The following NAV2 variants were observed in gnomAD, a reference collection of about 807,000 sequenced individuals.
NAV2 encodes neuron navigator 2.
NAV2 carries 54 observed loss-of-function variants against 223.2 expected under a neutral mutation model. The observed-to-expected ratio is 0.24, with a 90% CI of 0.19 to 0.30. NAV2 has a LOEUF of 0.30. Among genes scored for constraint, NAV2 ranks in the 10% least tolerant of loss-of-function variants. The pLI, the probability that NAV2 is intolerant of heterozygous loss-of-function variation, is 1.00. For missense variants in NAV2, 2,806 were observed against 3,147.5 expected, an observed-to-expected ratio of 0.89 and a Z score of 2.60; for synonymous variants, 1,279 against 1,239.3, an observed-to-expected ratio of 1.03 and a Z score of -0.67.
At chr11:19,589,166 T>C (rs1231809000) in intron 1 of NAV2, among the ~76,000 whole-genome samples, 1 of 152,184 alleles carries the variant, frequency 6.6e-6, no homozygotes. Context: ...TCTTGGATCC[T>C]AAGATGATAT....
chr11:19,522,535 G>C (rs1477809917), intron 1 of NAV2, among the ~76,000 whole-genome samples: 1 of 152,148 alleles, frequency 6.6e-6, no homozygotes, highest in Non-Finnish European at 1.5e-5. Flanking sequence ...TATCCAGAGT[G>C]CCCCTGGCCC....
At chr11:19,905,457 T>G (rs949867729) in intron 6 of NAV2, among the ~76,000 whole-genome samples, 1 of 152,224 alleles carries the variant, frequency 6.6e-6, no homozygotes, top group African/African-American at 2.4e-5. Flanking sequence ...TAGGGGGCAG[T>G]ATTCATTAAG....
intron 10 of NAV2, among the ~76,000 whole-genome samples, chr11:19,961,218 G>T (rs2048332259): frequency 6.6e-6 from 1 of 152,002 alleles, no homozygotes; most frequent in Admixed American, 6.6e-5. Context: ...CCAAAATGCT[G>T]GGATTATAGG....
intron 1 of NAV2, among the ~76,000 whole-genome samples, chr11:19,715,200 T>G (rs1400630506): frequency 6.6e-6 from 1 of 152,112 alleles, no homozygotes; most frequent in Non-Finnish European, 1.5e-5. Flanking sequence ...CAGATTAAGC[T>G]CCCACACCAG....
chr11:19,459,469 T>C (rs1173468680), intron 1 of NAV2, among the ~76,000 whole-genome samples: 1 of 152,220 alleles, frequency 6.6e-6, no homozygotes, highest in Non-Finnish European at 1.5e-5. Context: ...CCAATCACTG[T>C]GGCCTGGGGG....
rs541657793 is a variant in NAV2 at position 20,069,691 on chromosome 11, A to C, written c.4983+1293A>C. 3.3e-5 allele frequency among the ~76,000 whole-genome samples: 5 copies of C among 152,294 alleles called. No individual in the cohort carries two copies. The South Asian group carries it at 1.0e-3, about 32-fold the overall frequency. On this transcript the variant is annotated intron_variant, in intron 22 of 37. Coordinates refer to ENST00000349880, the MANE Select transcript of NAV2 (RefSeq NM_145117.5). ...TTCACCACCCAGCCTGAGCCCGTTGATAAACGTGTTCAAGCCAGACAGAAA... is the reference window on the plus strand; with the variant it reads ...TTCACCACCCAGCCTGAGCCCGTTGCTAAACGTGTTCAAGCCAGACAGAAA...
At chr11:19,724,103 G>A (rs1006847139) in intron 1 of NAV2, among the ~76,000 whole-genome samples, 6 of 152,220 alleles carry the variant, frequency 3.9e-5, no homozygotes, top group African/African-American at 1.2e-4. Flanking sequence ...GGAGACCTAT[G>A]AGGCCATCTG....
chr11:20,120,550 T>C lies in NAV2; in HGVS notation c.*2292T>C, dbSNP rs923284440. 2 of 152,620 alleles carry C rather than the reference T, an allele frequency of 1.3e-5. No individual in the cohort carries two copies. Among genetic ancestry groups the C allele is most frequent in the African/African-American group, 4.8e-5 (2 of 41,440 alleles). 9.5% of individuals were successfully genotyped at this position (152,620 alleles called of 1,614,324 possible). A position where few individuals can be genotyped will look rare whatever the true frequency, so the allele number is the denominator to read the frequency against. The stretch of plus-strand genomic sequence containing the variant: ...GTTGACTTCTCCTCGTGGGCAGTTT[T>C]CCAATCACCTTGTGAGTAGACACCT... On this transcript the variant is annotated 3_prime_UTR_variant, in exon 38 of 38. Transcript: ENST00000349880.
intron 6 of NAV2, among the ~76,000 whole-genome samples, chr11:19,898,702 G>T (rs1175655500): frequency 1.3e-5 from 2 of 152,012 alleles, no homozygotes; most frequent in Non-Finnish European, 2.9e-5. Context: ...GTATCAAAGG[G>T]TATGCATAGT....
chr11:19,633,933 A>G (rs2047418630), intron 1 of NAV2, among the ~76,000 whole-genome samples: 1 of 152,218 alleles, frequency 6.6e-6, no homozygotes, highest in Non-Finnish European at 1.5e-5. Flanking sequence ...ATAACAGCAA[A>G]CTTAATAGAA....
At chr11:19,455,908 T>C (rs1394456086) in intron 1 of NAV2, among the ~76,000 whole-genome samples, 3 of 152,238 alleles carry the variant, frequency 2.0e-5, no homozygotes, top group African/African-American at 7.2e-5. Context: ...CCGGTTGCCA[T>C]GGTGTTTGAC....
intron 12 of NAV2, among the ~76,000 whole-genome samples, chr11:20,037,121 T>C (rs2056448058): frequency 6.6e-6 from 1 of 152,150 alleles, no homozygotes; most frequent in Admixed American, 6.5e-5. Context: ...GGAATCTTTT[T>C]CATGATTGAT....
chr11:19,371,752 CT>C (rs1364521832), intron 1 of NAV2, among the ~76,000 whole-genome samples: 1 of 148,726 alleles, frequency 6.7e-6, no homozygotes, highest in Non-Finnish European at 1.5e-5. Context: ...CTATGCCTAC[CT>C]TTTTCTGTAT....
At chr11:19,943,105 T>C (rs2046539865) in intron 8 of NAV2, among the ~76,000 whole-genome samples, 1 of 152,222 alleles carries the variant, frequency 6.6e-6, no homozygotes. Context: ...GGTAATTAGT[T>C]GAGGTAATTT....
chr11:19,643,180 T>G (rs973987343), intron 1 of NAV2, among the ~76,000 whole-genome samples: 2 of 152,172 alleles, frequency 1.3e-5, no homozygotes, highest in African/African-American at 4.8e-5. Context: ...ATTTTTTTAT[T>G]ATACTTTAAG....
chr11:19,592,821 A>G lies in NAV2; in HGVS notation c.76-239663A>G, dbSNP rs574628578. 2.0e-5 allele frequency among the ~76,000 whole-genome samples: 3 copies of G among 152,210 alleles called. No individual in the cohort carries two copies. In the South Asian group the frequency reaches 6.2e-4, roughly 32 times the overall value. On this transcript the variant is annotated intron_variant, in intron 1 of 37. Transcript: ENST00000360655. Reference sequence around the variant, plus strand: ...TAGGCACTGCTCTAAGCTTTTTACAAGTAGTTCATTTAAAACATTTTTAAA... The same window carrying G: ...TAGGCACTGCTCTAAGCTTTTTACAGGTAGTTCATTTAAAACATTTTTAAA...
intron 1 of NAV2, among the ~76,000 whole-genome samples, chr11:19,407,586 C>T (rs1289126670): frequency 6.6e-6 from 1 of 152,158 alleles, no homozygotes; most frequent in East Asian, 1.9e-4. Flanking sequence ...GGAGATATCT[C>T]TGTGGCTGCT....
upstream of NAV2, among the ~76,000 whole-genome samples, chr11:19,708,468 C>T (rs1037352430): frequency 2.6e-5 from 4 of 152,172 alleles, no homozygotes; most frequent in African/African-American, 9.7e-5. Context: ...AAGATCCCTG[C>T]ATTTTTTTGT....
chr11:19,393,451 T>G (rs894589267), intron 1 of NAV2, among the ~76,000 whole-genome samples: 3 of 152,250 alleles, frequency 2.0e-5, no homozygotes, highest in African/African-American at 4.8e-5. Flanking sequence ...CCCATTCTAC[T>G]TGCTGTGCTC....
Sources: allele counts gnomAD v4.1 joint callset (sites outside exome capture counted in the v4.1 genomes callset), GRCh38; gene constraint gnomAD v4.1.1; transcripts MANE v1.5; gene names NCBI Gene and HGNC (gene_info 2026-07-23, HGNC 2026-07-21).